Variants in XYLT1 observed in about 807,000 individuals in gnomAD.
XYLT1 encodes the protein beta-D-xylosyltransferase 1.
Under a neutral mutation model 91.3 loss-of-function variants are expected in XYLT1, and 36 were observed. That is an observed-to-expected ratio of 0.39 (90% CI 0.30 to 0.52). The LOEUF (loss-of-function observed/expected upper bound fraction) is 0.52, where lower values mean the gene tolerates loss of function less well. XYLT1 is among the 20% of genes least tolerant of loss of function. The pLI is 0.68. For synonymous variants in XYLT1, 588 were observed against 532.0 expected, an observed-to-expected ratio of 1.11 and a Z score of -1.45; for missense variants, 1,242 against 1,284.5, an observed-to-expected ratio of 0.97 and a Z score of 0.51.
rs147140918 is a variant in XYLT1, at chr16:17,364,425, A to C, written c.364-6375T>G. ...CCACTGACATCATGAGTTGTCGTGA[A>C]CATTAAATAAAAATAAATACTGTAC... is the stretch of plus-strand genomic sequence containing the variant. On this transcript the variant is annotated intron_variant, in intron 1 of 11. Coordinates refer to ENST00000261381, the MANE Select transcript of XYLT1 (RefSeq NM_022166.4). Among the ~76,000 whole-genome samples the C allele has an allele frequency of 5.1e-3, 771 of 152,346 alleles. 10 individuals are homozygous for C. The highest frequency in any genetic ancestry group is 0.018 in the African/African-American group (754 of 41,578).
At chr16:17,129,841 T>C (rs931984818) in intron 9 of XYLT1, among the ~76,000 whole-genome samples, 3 of 152,232 alleles carry the variant, frequency 2.0e-5, no homozygotes, top group Admixed American at 2.0e-4. Flanking sequence ...CCTGCATTAA[T>C]GTCCCAAATC....
At chr16:17,276,580 G>A (rs1297962865) in intron 2 of XYLT1, among the ~76,000 whole-genome samples, 5 of 152,158 alleles carry the variant, frequency 3.3e-5, no homozygotes, top group Admixed American at 6.5e-5. Flanking sequence ...CAACTTTCGC[G>A]TGCACTGTCA....
chr16:17,200,191 A>G (rs956279621), intron 4 of XYLT1, among the ~76,000 whole-genome samples: 1 of 151,464 alleles, frequency 6.6e-6, no homozygotes. Flanking sequence ...ACGGCACTCC[A>G]GCCTGGTGAC....
At chr16:17,306,571 T>C (rs1180842250) in intron 2 of XYLT1, among the ~76,000 whole-genome samples, 1 of 151,590 alleles carries the variant, frequency 6.6e-6, no homozygotes, top group African/African-American at 2.4e-5. Context: ...TATATATATA[T>C]ATATATTCCC....
At chr16:17,128,166 G>A (rs142319056) in intron 9 of XYLT1, among the ~76,000 whole-genome samples, 25 of 152,278 alleles carry the variant, frequency 1.6e-4, no homozygotes, top group African/African-American at 4.8e-4. Flanking sequence ...GCTTGGTACC[G>A]GGCAGTGAAA....
chr16:17,423,236 C>T (rs561475316), intron 1 of XYLT1, among the ~76,000 whole-genome samples: 37 of 152,276 alleles, frequency 2.4e-4, no homozygotes, highest in Middle Eastern at 3.4e-3. Context: ...CCAGTGGGGC[C>T]GCCCTTCTCG....
chr16:17,384,672 C>A (rs1208799267), intron 1 of XYLT1, among the ~76,000 whole-genome samples: 2 of 151,754 alleles, frequency 1.3e-5, no homozygotes, highest in Non-Finnish European at 2.9e-5. Flanking sequence ...CACTACCAAC[C>A]CTGCCCAGAA....
intron 1 of XYLT1, among the ~76,000 whole-genome samples, chr16:17,428,209 C>G (rs1464074729): frequency 6.6e-6 from 1 of 152,192 alleles, no homozygotes; most frequent in African/African-American, 2.4e-5. Context: ...GTCTTGAACT[C>G]CTGGCCTCAG....
At chr16:17,115,142 T>G (rs111837846) in intron 11 of XYLT1, among the ~76,000 whole-genome samples, 8,593 of 151,682 alleles carry the variant, frequency 0.057, 804 homozygotes, top group African/African-American at 0.19. Flanking sequence ...CGCACCCGGC[T>G]GGGCACATAC....
rs184391112 is a variant in XYLT1 at position 17,108,873 on chromosome 16, G to T, written c.2702C>A (p.Ala901Glu). 26 of 1,612,432 alleles carry T rather than the reference G, an allele frequency of 1.6e-5. No homozygotes were observed. Among genetic ancestry groups the T allele is most frequent in the Non-Finnish European group, 2.2e-5 (26 of 1,179,262 alleles). Residue 901 changes from alanine (A) to glutamate (E), a missense_variant, in exon 12 of 12, where the codon GCG becomes GAG. Ala to Glu is a moderately radical substitution (Grantham distance 107). Transcript: ENST00000261381. ...ARRNAASTGTALEGWLDSLVG... is the reference protein window; with the variant it reads ...ARRNAASTGTELEGWLDSLVG... ...CAACGAGTCCAGCCATCCCTCCAGCGCTGTGCCCGTGGAGGCTGCGTTCCT... is the reference window on the plus strand; with the variant it reads ...CAACGAGTCCAGCCATCCCTCCAGCTCTGTGCCCGTGGAGGCTGCGTTCCT...
chr16:17,151,379 T>A (rs534380500), intron 6 of XYLT1, among the ~76,000 whole-genome samples: 1 of 151,994 alleles, frequency 6.6e-6, no homozygotes, highest in Non-Finnish European at 1.5e-5. Context: ...TGAGCTGAGA[T>A]TGCACTCCAG....
chr16:17,129,939 G>C (rs1338349384), intron 9 of XYLT1, among the ~76,000 whole-genome samples: 1 of 152,280 alleles, frequency 6.6e-6, no homozygotes, highest in East Asian at 1.9e-4. Context: ...TCTACCTCTG[G>C]AATCTTCTTT....
intron 1 of XYLT1, among the ~76,000 whole-genome samples, chr16:17,416,226 T>C (rs2036178259): frequency 6.6e-6 from 1 of 152,168 alleles, no homozygotes; most frequent in Non-Finnish European, 1.5e-5. Flanking sequence ...CATTGCCAGA[T>C]AATGCACCCC....
intron 1 of XYLT1, among the ~76,000 whole-genome samples, chr16:17,467,088 C>A (rs779010457): frequency 6.6e-6 from 1 of 152,014 alleles, no homozygotes; most frequent in Non-Finnish European, 1.5e-5. Flanking sequence ...GAATTTCTGC[C>A]GAAAAATCAA....
chr16:17,202,712 T>C (rs1021549686), intron 3 of XYLT1, among the ~76,000 whole-genome samples: 3 of 152,224 alleles, frequency 2.0e-5, no homozygotes, highest in Admixed American at 6.5e-5. Flanking sequence ...ACTTTCTTCA[T>C]AGCATGTAAC....
chr16:17,129,072 G>T (rs369407065), intron 9 of XYLT1, among the ~76,000 whole-genome samples: 1 of 95,212 alleles, frequency 1.1e-5, no homozygotes, highest in East Asian at 4.0e-4. Flanking sequence ...AGGGAGCATA[G>T]AAAAAAAAAA....
chr16:17,198,403 G>A lies in XYLT1; in HGVS notation c.1098C>T (p.Tyr366=), dbSNP rs2032473462. Reference sequence around the variant, plus strand: ...AGACCTGGAGCACTTGCCGATGCAGGTAATTAGAGCGCTTTTCCCAGGAGA... The same window carrying A: ...AGACCTGGAGCACTTGCCGATGCAGATAATTAGAGCGCTTTTCCCAGGAGA... ...YYIHVDKRSN[Y]LHRQVLQVSR... is the part of the protein sequence containing the mutation. Residue 366 remains tyrosine, a synonymous_variant, in exon 5 of 12, where the codon TAC becomes TAT. Transcript: ENST00000261381. 9.3e-6 allele frequency: 15 copies of A among 1,614,020 alleles called. No individual in the cohort carries two copies. Among genetic ancestry groups the A allele is most frequent in the African/African-American group, 1.3e-5 (1 of 74,936 alleles).
intron 1 of XYLT1, among the ~76,000 whole-genome samples, chr16:17,452,398 G>A (rs2036678857): frequency 1.3e-5 from 2 of 151,254 alleles, no homozygotes; most frequent in South Asian, 2.1e-4. Context: ...CAAGGCAGGA[G>A]GGTGGCTTCA....
intron 5 of XYLT1, among the ~76,000 whole-genome samples, chr16:17,194,592 C>A (rs1473633355): frequency 6.6e-6 from 1 of 152,208 alleles, no homozygotes; most frequent in African/African-American, 2.4e-5. Context: ...GCAGGCAGTC[C>A]AGCCACTACT....
Sources: gnomAD v4.1 joint callset for allele counts (sites outside exome capture counted in the v4.1 genomes callset) on GRCh38, gnomAD v4.1.1 for gene constraint, MANE v1.5 for transcripts, NCBI Gene and HGNC (gene_info 2026-07-23, HGNC 2026-07-21) for gene names.